Variants in INKA2 observed in about 807,000 individuals in gnomAD.
The protein encoded by INKA2 is PAK4-inhibitor INKA2.
Under a neutral mutation model 9.8 loss-of-function variants are expected in INKA2, and 3 were observed. That is an observed-to-expected ratio of 0.31 (90% confidence interval 0.14 to 0.79). The LOEUF is 0.79. INKA2 is among the 30% of genes least tolerant of loss of function. The pLI, the probability that INKA2 is intolerant of heterozygous loss-of-function variation, is 0.62. For synonymous variants in INKA2, 147 were observed against 143.3 expected (o/e 1.03, Z -0.18); for missense variants, 392 against 384.4 (o/e 1.02, Z -0.17).
chr1:111,737,436 C>A (rs1221998656), intron 1 of INKA2, among the ~76,000 whole-genome samples: 1 of 152,194 alleles, frequency 6.6e-6, no homozygotes, highest in Non-Finnish European at 1.5e-5. Flanking sequence ...CACAAACCCT[C>A]CATTAAGGCA....
intron 1 of INKA2, chr1:111,745,231 T>TACACACACACACACACAC (rs67643173): frequency 8.9e-6 from 1 of 112,722 alleles, no homozygotes; most frequent in African/African-American, 3.7e-5. Flanking sequence ...CAAGCAAATA[T>TACACACACACACACACAC]ACACACACAC....
chr1:111,728,054 C>CACACAA (rs1348532509), intron 1 of INKA2, among the ~76,000 whole-genome samples: 1 of 151,216 alleles, frequency 6.6e-6, no homozygotes, highest in African/African-American at 2.4e-5. Context: ...CACACACACA[C>CACACAA]ACACACACAC....
Position 111,727,327 on chromosome 1 carries a change from C to T in INKA2, c.535G>A (p.Gly179Arg). The change falls in exon 2 of 2, where the codon GGG becomes AGG. Residue 179 changes from glycine (G) to arginine (R), a missense_variant. By Grantham distance (125) the Gly-to-Arg change is moderately radical. Transcript: ENST00000357260. ...WLDLPELEKG[G>R]EKGETGGARE... ...GCCCCCCCAGTCTCACCCTTCTCCC[C>T]ACCCTTCTCCAGTTCTGGCAAGTCT... 6.2e-7 allele frequency: 1 copy of T among 1,614,200 alleles called. No individual in the cohort carries two copies. The highest frequency in any genetic ancestry group is 8.5e-7 in the Non-Finnish European group (1 of 1,180,014).
rs1224843408 is a variant in INKA2 at position 111,727,191 on chromosome 1, C to T, written c.671G>A (p.Arg224Gln). The stretch of plus-strand genomic sequence containing the variant: ...CCAGCCTGGCTTCTCCTTCAGCAGC[C>T]GGTCACGGTCAGGCCGCACACTACG... The part of the protein sequence containing the change: ...FLRSVRPDRD[R>Q]LLKEKPGWVT... Residue 224 changes from arginine to glutamine, a missense_variant, in exon 2 of 2, where the codon CGG becomes CAG. By Grantham distance (43) the Arg-to-Gln change is conservative. Coordinates refer to ENST00000357260, the MANE Select transcript of INKA2 (RefSeq NM_019099.5). 11 of 1,614,232 alleles carry T rather than the reference C, an allele frequency of 6.8e-6. No individual in the cohort carries two copies. The highest frequency in any genetic ancestry group is 1.1e-5 in the South Asian group (1 of 91,086).
chr1:111,737,012 C>T (rs1663020848), intron 1 of INKA2, among the ~76,000 whole-genome samples: 1 of 152,118 alleles, frequency 6.6e-6, no homozygotes, highest in African/African-American at 2.4e-5. Flanking sequence ...TCCTTCTGCT[C>T]TGTCTCGTCT....
chr1:111,729,816 C>T (rs1020238760), intron 1 of INKA2, among the ~76,000 whole-genome samples: 5 of 152,264 alleles, frequency 3.3e-5, no homozygotes, highest in Admixed American at 6.5e-5. Context: ...AATCCTCCCC[C>T]TGCCAACCCT....
rs34918562 is a variant in INKA2 at position 111,728,903 on chromosome 1, C to CTTTTTTTTTTTTT, written c.58-1112_58-1100dup. On this transcript the variant is annotated intron_variant, in intron 1 of 1. Transcript: ENST00000357260. ...CTGGGCAGTGGGCAGTGGAGCTAGG[C>CTTTTTTTTTTTTT]TTTTTTTTTTTTTTTTCAAACAGGG... Among the ~76,000 whole-genome samples, 93 of 115,528 alleles carry CTTTTTTTTTTTTT rather than the reference C, an allele frequency of 8.1e-4. 8 individuals carry two copies. The highest frequency in any genetic ancestry group is 2.6e-3 in the African/African-American group (75 of 29,300). The allele number at this position is 115,528 out of a possible 152,430, so 75.8% of individuals were successfully genotyped here.
At chr1:111,730,822 C>T (rs1180534421) in intron 1 of INKA2, among the ~76,000 whole-genome samples, 3 of 152,162 alleles carry the variant, frequency 2.0e-5, no homozygotes, top group Non-Finnish European at 4.4e-5. Flanking sequence ...CCCAGAACCT[C>T]GCTAGCACCT....
chr1:111,749,117 C>A (rs867942170), intron 1 of INKA2, among the ~76,000 whole-genome samples: 16 of 152,186 alleles, frequency 1.1e-4, no homozygotes, highest in African/African-American at 3.9e-4. Context: ...GATGGCCCCA[C>A]AGAGATAAAA....
chr1:111,730,918 G>A (rs1286169364), intron 1 of INKA2, among the ~76,000 whole-genome samples: 2 of 152,068 alleles, frequency 1.3e-5, no homozygotes, highest in East Asian at 1.9e-4. Flanking sequence ...ACCCTCAGAC[G>A]GTAACTCACT....
At position 111,727,466 on chromosome 1, in the gene INKA2, C is replaced by T. The variant is rs761370426; in HGVS notation, c.396G>A (p.Gly132=). 115 of 1,614,106 alleles carry T rather than the reference C, an allele frequency of 7.1e-5. No individual in the cohort carries two copies. The highest frequency in any genetic ancestry group is 4.2e-5 in the Non-Finnish European group (50 of 1,180,038). ...AGTCATCCGGTTCCACTCGCTCTGG[C>T]CCCTGCTGAGCACAGCTTTGATGTG... ...TQPHQSCAQQ[G]PERVEPDDWT... Residue 132 remains glycine (G), a synonymous_variant, in exon 2 of 2, where the codon GGG becomes GGA. Transcript: ENST00000357260.
rs748990798 is a variant in INKA2, at chr1:111,727,596, G to A, written c.266C>T (p.Thr89Ile). 2.0e-5 allele frequency: 33 copies of A among 1,610,774 alleles called. No homozygotes were observed. Among genetic ancestry groups the A allele is most frequent in the Admixed American group, 1.8e-4 (11 of 59,720 alleles). ...AGGTTGACTGGAGGGGGAACAGACTGTGGGCCTGGCAGGACCTCTGCCACC... is the reference window on the plus strand; with the variant it reads ...AGGTTGACTGGAGGGGGAACAGACTATGGGCCTGGCAGGACCTCTGCCACC... Reference protein sequence around the residue: ...WEGGRGPARPTVCSPSSQPSL... With the variant: ...WEGGRGPARPIVCSPSSQPSL... Residue 89 changes from threonine (T) to isoleucine (I), a missense_variant, in exon 2 of 2, where the codon ACA (threonine) becomes ATA (isoleucine). Physicochemically the swap from Thr to Ile is moderately conservative, Grantham distance 89 (BLOSUM62 -1). Coordinates refer to ENST00000357260, the MANE Select transcript of INKA2 (RefSeq NM_019099.5).
upstream of INKA2, among the ~76,000 whole-genome samples, chr1:111,741,492 T>C (rs1663150754): frequency 1.3e-5 from 2 of 152,138 alleles, no homozygotes; most frequent in African/African-American, 4.8e-5. Context: ...ACAGCTGTGG[T>C]TTCCAGTCCA....
rs1663084230 is a variant in INKA2 at position 111,739,270 on chromosome 1, CAG to C, written c.-30_-29del. The C allele has an allele frequency of 6.2e-7, 1 of 1,613,362 alleles. No homozygotes were observed. The highest frequency in any genetic ancestry group is 8.5e-7 in the Non-Finnish European group (1 of 1,179,636). On this transcript the variant is annotated 5_prime_UTR_variant, in exon 1 of 2. Coordinates refer to ENST00000357260, the MANE Select transcript of INKA2 (RefSeq NM_019099.5). ...GCCCATTTGTCGGGTTCGGTTCAAA[CAG>C]AGAGGGCCCGGGTGAAACCCCGGCC...
At chr1:111,736,942 G>GCTA (rs1663019729) in intron 1 of INKA2, among the ~76,000 whole-genome samples, 1 of 152,204 alleles carries the variant, frequency 6.6e-6, no homozygotes, top group Non-Finnish European at 1.5e-5. Flanking sequence ...ATTTGGCCCA[G>GCTA]CTACCTAAGC....
At chr1:111,750,890 A>G (rs6687953) in intron 1 of INKA2, among the ~76,000 whole-genome samples, 73,590 of 152,068 alleles carry the variant, frequency 0.48, 19,144 homozygotes, top group African/African-American at 0.69. Context: ...CCTCATGTCC[A>G]GGTCATTTCT....
chr1:111,725,687 G>C lies in INKA2; in HGVS notation c.*1281C>G, dbSNP rs1361183854. The C allele has an allele frequency of 6.4e-6, 1 of 156,834 alleles. No homozygotes were observed. Among genetic ancestry groups the C allele is most frequent in the African/African-American group, 2.4e-5 (1 of 41,632 alleles). The allele number at this position is 156,834 out of a possible 1,614,324, so 9.7% of individuals were successfully genotyped here. A position where few individuals can be genotyped will look rare whatever the true frequency, so the allele number is the denominator to read the frequency against. On this transcript the variant is annotated 3_prime_UTR_variant, in exon 2 of 2. Coordinates refer to ENST00000357260, the MANE Select transcript of INKA2 (RefSeq NM_019099.5). ...GTTCTCTGACCCAGGTGGGAGTTAA[G>C]TGCAGGAGACAGGGGTTGTGGGGTA...
At chr1:111,744,843 C>A (rs1215955837) in intron 1 of INKA2, among the ~76,000 whole-genome samples, 13 of 152,080 alleles carry the variant, frequency 8.5e-5, no homozygotes. Flanking sequence ...TGCTTTTACC[C>A]ATAGTGCTAA....
Position 111,723,332 on chromosome 1 carries a change from C to A in INKA2, c.*3636G>T. On this transcript the variant is annotated 3_prime_UTR_variant, in exon 2 of 2. Transcript: ENST00000357260. ...TGGGTTCAGAGATCACCCTGAGGGG[C>A]GGGGCACAAGGGAAGTGTCTGAGGG... is the stretch of plus-strand genomic sequence containing the variant. 1 of 491,012 alleles carries A rather than the reference C, an allele frequency of 2.0e-6. No individual in the cohort carries two copies. Among genetic ancestry groups the A allele is most frequent in the South Asian group, 3.2e-5 (1 of 30,776 alleles). The allele number at this position is 491,012 out of a possible 1,614,324, so 30.4% of individuals were successfully genotyped here.
Sources: allele counts gnomAD v4.1 joint callset (sites outside exome capture counted in the v4.1 genomes callset), GRCh38; gene constraint gnomAD v4.1.1; transcripts MANE v1.5; gene names NCBI Gene and HGNC (gene_info 2026-07-23, HGNC 2026-07-21).